Variants in UTRN observed in about 807,000 individuals in gnomAD.
The protein encoded by UTRN is dystrophin-related protein 1.
UTRN carries 283 observed loss-of-function variants against 463.9 expected under a neutral mutation model. That is an observed-to-expected ratio of 0.61 (90% CI 0.55 to 0.67). UTRN has a LOEUF of 0.67. UTRN is among the 30% of genes least tolerant of loss of function. The pLI is 0.00. For synonymous variants in UTRN, 1,442 were observed against 1,431.5 expected (o/e 1.01, Z -0.17); for missense variants, 3,922 against 4,084.3 (o/e 0.96, Z 1.08).
chr6:144,800,559 C>G (rs1481636128), intron 64 of UTRN, among the ~76,000 whole-genome samples: 1 of 152,108 alleles, frequency 6.6e-6, no homozygotes, highest in Non-Finnish European at 1.5e-5. Flanking sequence ...GATTTCAATC[C>G]TGGATCTATT....
rs371655614 is a variant in UTRN at position 144,601,200 on chromosome 6, AGAT to A, written c.7479+23916_7479+23918del. Among the ~76,000 whole-genome samples the A allele has an allele frequency of 4.1e-3, 632 of 152,296 alleles. 3 individuals carry two copies. The highest frequency in any genetic ancestry group is 0.014 in the African/African-American group (592 of 41,570). ...TATCCATTCTTCAGCCCATGGATCG[AGAT>A]GATATTTTGATTTTCAAGTCTTATT... is the stretch of plus-strand genomic sequence containing the variant. On this transcript the variant is annotated intron_variant, in intron 51 of 74. Transcript: ENST00000367545.
At chr6:144,562,571 A>G (rs772042990) in intron 50 of UTRN, among the ~76,000 whole-genome samples, 19 of 152,276 alleles carry the variant, frequency 1.2e-4, no homozygotes, top group South Asian at 2.1e-4. Context: ...TCCTCGGTAT[A>G]TAGGTACCAC....
intron 29 of UTRN, 130 bp downstream of exon 29, chr6:144,487,827 C>T: frequency 1.3e-6 from 1 of 792,718 alleles, no homozygotes; most frequent in South Asian, 2.8e-5. Flanking sequence ...CCAATGCTAA[C>T]AGGGGCATTG....
Position 144,843,668 on chromosome 6 carries a change from C to T in UTRN, c.10270+2836C>T, listed in dbSNP as rs560291462. On this transcript the variant is annotated intron_variant, in intron 73 of 74. Coordinates refer to ENST00000367545, the MANE Select transcript of UTRN (RefSeq NM_007124.3). ...TTCATCCTCTCCCCTGCATTGGTCC[C>T]CTCTTCACCAATGTCATTCTCAGTG... Among the ~76,000 whole-genome samples the T allele has an allele frequency of 1.5e-4, 23 of 152,278 alleles. No homozygotes were observed. The South Asian group carries it at 4.6e-3, about 30-fold the overall frequency.
chr6:144,621,953 C>CT (rs1387233468), intron 51 of UTRN, among the ~76,000 whole-genome samples: 3 of 151,628 alleles, frequency 2.0e-5, no homozygotes, highest in Non-Finnish European at 4.4e-5. Flanking sequence ...CCCTCTTCTC[C>CT]TTTTTTTGGT....
At chr6:144,649,209 G>A (rs2128665898) in intron 51 of UTRN, among the ~76,000 whole-genome samples, 1 of 152,250 alleles carries the variant, frequency 6.6e-6, no homozygotes, top group South Asian at 2.1e-4. Flanking sequence ...TATTATTTAA[G>A]AAAATAGAAT....
In UTRN at chr6:144,732,299, C is replaced by T. The variant is rs71547167; in HGVS notation, c.7939+1813C>T. On this transcript the variant is annotated intron_variant, in intron 54 of 74. Coordinates refer to ENST00000367545, the MANE Select transcript of UTRN (RefSeq NM_007124.3). ...ATATACACACATATATATATATACA[C>T]ATATATATATATAAAAAATGTATAC... 2.3e-4 allele frequency among the ~76,000 whole-genome samples: 29 copies of T among 128,650 alleles called. 1 individual carries two copies. Among genetic ancestry groups the T allele is most frequent in the African/African-American group, 2.4e-4 (7 of 29,524 alleles). 84.4% of individuals were successfully genotyped at this position (128,650 alleles called of 152,430 possible). A position where few individuals can be genotyped will look rare whatever the true frequency, so the allele number is the denominator to read the frequency against.
chr6:144,344,090 CAAAAAAA>C (rs34356247), intron 2 of UTRN: 9 of 850,270 alleles, frequency 1.1e-5, no homozygotes, highest in East Asian at 1.1e-4. Context: ...TAAAAGCCAC[CAAAAAAA>C]AAAAAAAAAA....
intron 58 of UTRN, among the ~76,000 whole-genome samples, chr6:144,760,201 T>A (rs1297332336): frequency 6.6e-6 from 1 of 152,118 alleles, no homozygotes; most frequent in Non-Finnish European, 1.5e-5. Context: ...TTTGGAAGGA[T>A]CTGGTAGGAT....
intron 3 of UTRN, among the ~76,000 whole-genome samples, chr6:144,410,786 TG>T (rs1783822120): frequency 7.2e-6 from 1 of 139,154 alleles, no homozygotes; most frequent in Non-Finnish European, 1.5e-5. Flanking sequence ...TAGTATTCCA[TG>T]GTGTGTATAT....
At chr6:144,595,713 A>G (rs991213001) in intron 51 of UTRN, among the ~76,000 whole-genome samples, 1 of 152,202 alleles carries the variant, frequency 6.6e-6, no homozygotes, top group Non-Finnish European at 1.5e-5. Flanking sequence ...TTAAAAATCT[A>G]TACATTAGTA....
intron 53 of UTRN, among the ~76,000 whole-genome samples, chr6:144,711,367 A>G (rs975977248): frequency 6.6e-6 from 1 of 152,106 alleles, no homozygotes; most frequent in African/African-American, 2.4e-5. Flanking sequence ...TAAATAATAA[A>G]ATAAATGGGT....
chr6:144,329,626 C>CA (rs879380318), intron 2 of UTRN, among the ~76,000 whole-genome samples: 6 of 152,106 alleles, frequency 3.9e-5, no homozygotes, highest in Non-Finnish European at 5.9e-5. Flanking sequence ...GTGACACAGT[C>CA]AAAGCTACCA....
chr6:144,707,363 C>T (rs557070914), intron 53 of UTRN, among the ~76,000 whole-genome samples: 2 of 152,234 alleles, frequency 1.3e-5, no homozygotes, highest in East Asian at 3.9e-4. Flanking sequence ...TAGTTGACTT[C>T]TAGACCATCT....
chr6:144,669,162 T>C (rs1180867910), intron 51 of UTRN, among the ~76,000 whole-genome samples: 1 of 152,124 alleles, frequency 6.6e-6, no homozygotes, highest in Non-Finnish European at 1.5e-5. Flanking sequence ...TGGATAGTTA[T>C]GCTGACAATT....
intron 51 of UTRN, among the ~76,000 whole-genome samples, chr6:144,590,448 T>C (rs1477697480): frequency 6.6e-6 from 1 of 152,174 alleles, no homozygotes; most frequent in Admixed American, 6.6e-5. Flanking sequence ...TTTATCATTA[T>C]ATTTAAAAGG....
At chr6:144,516,763 T>C (rs762008648) in intron 38 of UTRN, 48 bp from the exon 39 acceptor site, 31 of 1,374,958 alleles carry the variant, frequency 2.3e-5, no homozygotes, top group Non-Finnish European at 2.9e-5. Context: ...GAAGTGACCT[T>C]ATGCATTTTT....
At chr6:144,372,965 C>T (rs991048393) in intron 2 of UTRN, among the ~76,000 whole-genome samples, 7 of 152,152 alleles carry the variant, frequency 4.6e-5, no homozygotes, top group Non-Finnish European at 8.8e-5. Flanking sequence ...AAAACCATAG[C>T]GAAATTTTTC....
chr6:144,299,383 T>A (rs148078317), intron 2 of UTRN, among the ~76,000 whole-genome samples: 59 of 152,380 alleles, frequency 3.9e-4, no homozygotes, highest in African/African-American at 1.3e-3. Flanking sequence ...TTTCTACTTA[T>A]AAACACTTCC....
Sources: allele counts gnomAD v4.1 joint callset (sites outside exome capture counted in the v4.1 genomes callset), GRCh38; gene constraint gnomAD v4.1.1; transcripts MANE v1.5; gene names NCBI Gene and HGNC (gene_info 2026-07-23, HGNC 2026-07-21).